Variants in PCBP3 observed in about 807,000 individuals in gnomAD.
PCBP3 encodes poly(rC)-binding protein 3.
A neutral mutation model predicts 52.7 loss-of-function variants in PCBP3; 25 were observed. The observed-to-expected ratio is 0.47, with a 90% CI of 0.35 to 0.66. The LOEUF is 0.66. PCBP3 is among the 30% of genes least tolerant of loss of function. The pLI, the probability that PCBP3 is intolerant of heterozygous loss-of-function variation, is 0.01. For missense variants in PCBP3, 391 were observed against 490.3 expected (o/e 0.80, Z 1.91); for synonymous variants, 162 against 183.0 (o/e 0.89, Z 0.93).
chr21:45,940,275 C>A (rs140694241), intron 17 of PCBP3, 76 bp downstream of exon 17: 4 of 1,344,126 alleles, frequency 3.0e-6, no homozygotes, highest in South Asian at 1.3e-5. Context: ...CCTGGACGGT[C>A]GGGGGGTGGG....
intron 4 of PCBP3, among the ~76,000 whole-genome samples, chr21:45,783,770 T>C (rs2090829015): frequency 6.6e-6 from 1 of 152,090 alleles, no homozygotes; most frequent in African/African-American, 2.4e-5. Context: ...TGATTACCAG[T>C]AAAAGAACCA....
chr21:45,851,738 C>G (rs1387191615), intron 5 of PCBP3, among the ~76,000 whole-genome samples: 1 of 152,186 alleles, frequency 6.6e-6, no homozygotes, highest in East Asian at 1.9e-4. Context: ...AAATTGATAA[C>G]TTCCTGGGAA....
chr21:45,681,967 T>C (rs1603251132), intron 2 of PCBP3, among the ~76,000 whole-genome samples: 1 of 151,996 alleles, frequency 6.6e-6, no homozygotes, highest in Non-Finnish European at 1.5e-5. Context: ...GAACAAAGGC[T>C]CAGAAATCTG....
In PCBP3 at chr21:45,917,550, C is replaced by T; in HGVS notation, c.676-38C>T. 2 of 1,588,168 alleles carry T rather than the reference C, an allele frequency of 1.3e-6. No individual in the cohort carries two copies. The highest frequency in any genetic ancestry group is 1.7e-6 in the Non-Finnish European group (2 of 1,158,286). ...CGGCGGGTGCTGAGCCGTGGTGCAG[C>T]CAGGTTGCAGTCTGACGGGGTCTCT... On this transcript the variant is annotated intron_variant, in intron 12 of 17. Transcript: ENST00000681687. The surrounding 1 kb of genome is among the most constrained non-coding windows in gnomAD (Gnocchi z 5.3).
chr21:45,847,890 G>C (rs2093850069), intron 4 of PCBP3, among the ~76,000 whole-genome samples: 1 of 152,118 alleles, frequency 6.6e-6, no homozygotes, highest in Non-Finnish European at 1.5e-5. Context: ...TAAGTATTAG[G>C]TCTGTTTCGT....
intron 4 of PCBP3, among the ~76,000 whole-genome samples, chr21:45,758,311 C>G (rs2088275991): frequency 6.6e-6 from 1 of 152,044 alleles, no homozygotes; most frequent in Non-Finnish European, 1.5e-5. Flanking sequence ...TTGTTGCATT[C>G]CATGTGAATT....
chr21:45,864,663 G>A (rs915265808), intron 5 of PCBP3, among the ~76,000 whole-genome samples: 2 of 152,124 alleles, frequency 1.3e-5, no homozygotes, highest in African/African-American at 4.8e-5. Flanking sequence ...GCTCCTGCTT[G>A]CATTTGCTGG....
intron 4 of PCBP3, among the ~76,000 whole-genome samples, chr21:45,848,990 GT>G (rs139497356): frequency 2.6e-4 from 40 of 152,298 alleles, no homozygotes; most frequent in African/African-American, 8.9e-4. Flanking sequence ...GACACAGGTG[GT>G]TTACCAGGTT....
At chr21:45,940,260 C>G in intron 17 of PCBP3, 61 bp downstream of exon 17, 1 of 1,480,532 alleles carries the variant, frequency 6.8e-7, no homozygotes, top group Non-Finnish European at 9.3e-7. Flanking sequence ...GCCGGCGTTA[C>G]ATCACCTGGA....
At chr21:45,740,647 G>GTGCA (rs2086369514) in intron 3 of PCBP3, among the ~76,000 whole-genome samples, 1 of 151,668 alleles carries the variant, frequency 6.6e-6, no homozygotes, top group African/African-American at 2.4e-5. Context: ...TGAAGTGTGT[G>GTGCA]TGCATGTGTA....
intron 17 of PCBP3, 99 bp downstream of exon 17, chr21:45,940,298 C>A (rs1399788936): frequency 2.0e-6 from 2 of 977,280 alleles, no homozygotes; most frequent in South Asian, 1.6e-5. Flanking sequence ...GAGGCACAGT[C>A]TGGGCCACAC....
At chr21:45,789,758 T>C (rs1219741066) in intron 4 of PCBP3, among the ~76,000 whole-genome samples, 2 of 152,072 alleles carry the variant, frequency 1.3e-5, no homozygotes, top group African/African-American at 4.8e-5. Context: ...TAAGCAGAGG[T>C]GGGACATGCC....
rs889190402 is a variant in PCBP3, at chr21:45,914,004, T to C, written c.654T>C (p.Pro218=). ...IPYRPKPAST[P]VIFAGGQAYT... ...ACCGCCCAAAGCCCGCCTCCACCCC[T>C]GTCATTTTTGCAGGTGGTCAGGTAA... The change falls in exon 12 of 18, where the codon CCT becomes CCC. Residue 218 remains proline (P), a synonymous_variant. Coordinates refer to ENST00000681687, the MANE Select transcript of PCBP3 (RefSeq NM_001384156.1). The C allele has an allele frequency of 6.2e-7, 1 of 1,613,608 alleles. No individual in the cohort carries two copies. The highest frequency in any genetic ancestry group is 8.5e-7 in the Non-Finnish European group (1 of 1,179,862).
At chr21:45,888,102 C>G (rs560225888) in intron 5 of PCBP3, among the ~76,000 whole-genome samples, 1 of 152,204 alleles carries the variant, frequency 6.6e-6, no homozygotes, top group Non-Finnish European at 1.5e-5. Flanking sequence ...CTGTCCTGGC[C>G]GTGTACGAAT....
chr21:45,866,933 C>T lies in PCBP3; in HGVS notation c.10+16838C>T, dbSNP rs531918469. Reference sequence around the variant, plus strand: ...AGGGAACAGGAATCCCATAACAGAACATTATCCGGCAGGAGTAATTAACAC... The same window carrying T: ...AGGGAACAGGAATCCCATAACAGAATATTATCCGGCAGGAGTAATTAACAC... On this transcript the variant is annotated intron_variant, in intron 5 of 17. Transcript: ENST00000681687. 7.9e-5 allele frequency among the ~76,000 whole-genome samples: 12 copies of T among 152,340 alleles called. No homozygotes were observed. In the South Asian group the frequency reaches 2.5e-3, roughly 32 times the overall value.
chr21:45,916,795 C>T (rs898737138), intron 12 of PCBP3: 1 of 152,304 alleles, frequency 6.6e-6, no homozygotes, highest in Non-Finnish European at 1.5e-5. Flanking sequence ...GTGGTCTTCA[C>T]TCTCCCTTGA....
At chr21:45,808,418 C>T (rs540975055) in intron 4 of PCBP3, among the ~76,000 whole-genome samples, 67 of 152,226 alleles carry the variant, frequency 4.4e-4, no homozygotes, top group African/African-American at 1.4e-3. Flanking sequence ...GACATTTATG[C>T]GGCCAAAAAA....
intron 2 of PCBP3, among the ~76,000 whole-genome samples, chr21:45,705,343 G>A (rs1369738711): frequency 2.0e-5 from 3 of 152,200 alleles, no homozygotes; most frequent in African/African-American, 4.8e-5. Context: ...CTCTGTGTGA[G>A]GTCACAGTAG....
At position 45,853,728 on chromosome 21, in the gene PCBP3, ATTC is replaced by A. The variant is rs1271807654; in HGVS notation, c.10+3635_10+3637del. Among the ~76,000 whole-genome samples, 1 of 152,212 alleles carries A rather than the reference ATTC, an allele frequency of 6.6e-6. No individual in the cohort carries two copies. The highest frequency in any genetic ancestry group is 1.5e-5 in the Non-Finnish European group (1 of 68,038). The stretch of plus-strand genomic sequence containing the variant: ...TAAGAAACATGAGTGGTGTTAAACC[ATTC>A]TGCCTGTGTGAGTACAGACGCGTGC... On this transcript the variant is annotated intron_variant, in intron 5 of 17. Transcript: ENST00000681687. This position sits in a 1 kb window ranked among gnomAD's most constrained non-coding sequence, Gnocchi z 4.6.
Sources: gnomAD v4.1 joint callset for allele counts (sites outside exome capture counted in the v4.1 genomes callset) on GRCh38, gnomAD v4.1.1 for gene constraint, Gnocchi (gnomAD v3.1) non-coding constraint, MANE v1.5 for transcripts, NCBI Gene and HGNC (gene_info 2026-07-23, HGNC 2026-07-21) for gene names.